Variants in AGBL1 observed in about 807,000 individuals in gnomAD.
The protein encoded by AGBL1 is cytosolic carboxypeptidase 4.
In AGBL1, 130 loss-of-function variants were observed where a neutral mutation model predicts 118.9. The ratio of observed to expected loss-of-function variants is 1.09; its 90% CI spans 0.95 to 1.26. The LOEUF is 1.26. Ranked by LOEUF, AGBL1 falls within the 50% of genes most tolerant of loss-of-function variation. The pLI is 0.00. For synonymous variants in AGBL1, 555 were observed against 478.9 expected (o/e 1.16, Z -2.08); for missense variants, 1,584 against 1,298.1 (o/e 1.22, Z -3.38).
At chr15:86,871,020 G>A (rs768149232) in intron 22 of AGBL1, among the ~76,000 whole-genome samples, 12 of 152,160 alleles carry the variant, frequency 7.9e-5, no homozygotes, top group Non-Finnish European at 1.8e-4. Flanking sequence ...ACTCTTATCT[G>A]TCGCTCACTA....
intron 21 of AGBL1, among the ~76,000 whole-genome samples, chr15:86,574,315 T>C (rs1809166667): frequency 6.6e-6 from 1 of 152,162 alleles, no homozygotes. Context: ...CTGCAGCCAC[T>C]CATCCAAGTC....
chr15:86,424,487 TTG>T, intron 18 of AGBL1, among the ~76,000 whole-genome samples: 1 of 152,170 alleles, frequency 6.6e-6, no homozygotes, highest in East Asian at 1.9e-4. Context: ...GGCAAAGACT[TTG>T]TGACTAAAAC....
intron 21 of AGBL1, among the ~76,000 whole-genome samples, chr15:86,582,820 A>G (rs1221851155): frequency 7.1e-6 from 1 of 141,250 alleles, no homozygotes; most frequent in African/African-American, 2.6e-5. Context: ...ATGAGAACAC[A>G]TGGACACAGG....
At chr15:86,398,903 C>T (rs924933844) in intron 18 of AGBL1, among the ~76,000 whole-genome samples, 6 of 152,260 alleles carry the variant, frequency 3.9e-5, no homozygotes, top group African/African-American at 1.2e-4. Context: ...TTTCAGTACA[C>T]ACACACACAT....
chr15:86,748,510 C>CTTTTTTTTTTTTTTTTTTTTTTGTT (rs2077793308), intron 22 of AGBL1, among the ~76,000 whole-genome samples: 1 of 9,754 alleles, frequency 1.0e-4, no homozygotes, highest in Non-Finnish European at 2.7e-4. Flanking sequence ...TCAATTTTGG[C>CTTTTTTTTTTTTTTTTTTTTTTGTT]TTTTTTTTTT....
At chr15:86,427,627 TA>T (rs938792813) in intron 18 of AGBL1, among the ~76,000 whole-genome samples, 1 of 152,168 alleles carries the variant, frequency 6.6e-6, no homozygotes, top group African/African-American at 2.4e-5. Context: ...CTATTTATAG[TA>T]GTTTTCATGA....
chr15:86,117,959 C>T (rs530049620), intron 1 of AGBL1, among the ~76,000 whole-genome samples: 1 of 152,342 alleles, frequency 6.6e-6, no homozygotes, highest in Non-Finnish European at 1.5e-5. Flanking sequence ...TCAAGACTTG[C>T]TCTGCGGATC....
At chr15:86,889,680 G>A (rs2080023289) in intron 22 of AGBL1, among the ~76,000 whole-genome samples, 1 of 152,072 alleles carries the variant, frequency 6.6e-6, no homozygotes, top group African/African-American at 2.4e-5. Context: ...GTTTGCTGAG[G>A]ATAACGACTT....
At chr15:86,278,591 G>C (rs1056964596) in intron 15 of AGBL1, among the ~76,000 whole-genome samples, 3 of 152,142 alleles carry the variant, frequency 2.0e-5, no homozygotes. Context: ...TATTTTTCAA[G>C]AACACACAAG....
intron 17 of AGBL1, among the ~76,000 whole-genome samples, chr15:86,332,008 A>G (rs1335495734): frequency 2.6e-5 from 4 of 152,200 alleles, no homozygotes; most frequent in Non-Finnish European, 5.9e-5. Flanking sequence ...AGACCCATCC[A>G]TCTGCTGTTT....
chr15:86,834,611 G>A (rs561988266), intron 22 of AGBL1, among the ~76,000 whole-genome samples: 37 of 152,250 alleles, frequency 2.4e-4, no homozygotes, highest in South Asian at 8.3e-4. Flanking sequence ...ACTGTATCAG[G>A]CACCTCCTTA....
intron 3 of AGBL1, among the ~76,000 whole-genome samples, chr15:86,147,914 G>A (rs1327161021): frequency 6.6e-6 from 1 of 152,188 alleles, no homozygotes; most frequent in Non-Finnish European, 1.5e-5. Context: ...TCCAGAGGAA[G>A]GATCAGGCAG....
chr15:86,912,307 G>C lies in AGBL1; in HGVS notation c.*5013G>C, dbSNP rs1375735271. ...CTTACCTGTGTTGTGCAAATGCTTAGAGTGGTGATAATGGAGGGGTGGCAT... is the reference window on the plus strand; with the variant it reads ...CTTACCTGTGTTGTGCAAATGCTTACAGTGGTGATAATGGAGGGGTGGCAT... On this transcript the variant is annotated 3_prime_UTR_variant, in exon 23 of 23. Transcript: ENST00000614907. 6.6e-6 allele frequency: 1 copy of C among 152,170 alleles called. No individual in the cohort carries two copies. Among genetic ancestry groups the C allele is most frequent in the East Asian group, 1.9e-4 (1 of 5,172 alleles). The allele number at this position is 152,170 out of a possible 1,614,324, so 9.4% of individuals were successfully genotyped here. A position where few individuals can be genotyped will look rare whatever the true frequency, so the allele number is the denominator to read the frequency against.
intron 17 of AGBL1, among the ~76,000 whole-genome samples, chr15:86,340,114 G>A (rs1224582978): frequency 2.0e-5 from 3 of 152,044 alleles, no homozygotes; most frequent in Non-Finnish European, 4.4e-5. Flanking sequence ...TCTTCTCAGT[G>A]TTAGCTTCTA....
downstream of AGBL1, among the ~76,000 whole-genome samples, chr15:86,918,679 C>T (rs1241574366): frequency 6.6e-6 from 1 of 152,128 alleles, no homozygotes; most frequent in Non-Finnish European, 1.5e-5. Flanking sequence ...GACAAAAATG[C>T]TGTGTGACCT....
intron 5 of AGBL1, among the ~76,000 whole-genome samples, chr15:86,168,286 C>G (rs140283280): frequency 3.0e-4 from 45 of 152,216 alleles, no homozygotes; most frequent in African/African-American, 9.6e-4. Flanking sequence ...GAGGAACTCA[C>G]TGAGAGGGCA....
chr15:86,522,900 C>A lies in AGBL1; in HGVS notation c.2646C>A (p.Gly882=), dbSNP rs2083208584. 3 of 1,613,872 alleles carry A rather than the reference C, an allele frequency of 1.9e-6. No homozygotes were observed. The highest frequency in any genetic ancestry group is 1.7e-6 in the Non-Finnish European group (2 of 1,179,870). ...HLQPTIYHAK[G]LLYHLSSIGR... is the part of the protein sequence containing the mutation. Reference sequence around the variant, plus strand: ...AGCCAACCATTTACCATGCCAAAGGCCTCCTCTACCACCTGAGCAGCATTG... The same window carrying A: ...AGCCAACCATTTACCATGCCAAAGGACTCCTCTACCACCTGAGCAGCATTG... The change falls in exon 19 of 23, where the codon GGC becomes GGA. Residue 882 remains glycine (G), a synonymous_variant. Coordinates refer to ENST00000614907, the MANE Select transcript of AGBL1 (RefSeq NM_001386094.1).
intron 6 of AGBL1, among the ~76,000 whole-genome samples, chr15:86,240,120 G>T (rs532650210): frequency 3.9e-5 from 6 of 152,168 alleles, no homozygotes; most frequent in Non-Finnish European, 8.8e-5. Flanking sequence ...TAAATAAGTT[G>T]TTTAACTTCT....
intron 17 of AGBL1, among the ~76,000 whole-genome samples, chr15:86,335,313 T>C (rs865892146): frequency 9.9e-5 from 15 of 152,172 alleles, no homozygotes; most frequent in South Asian, 2.1e-4. Context: ...TAATTTTTTG[T>C]ATTTTTAGTA....
Sources: gnomAD v4.1 joint callset for allele counts (sites outside exome capture counted in the v4.1 genomes callset) on GRCh38, gnomAD v4.1.1 for gene constraint, MANE v1.5 for transcripts, NCBI Gene and HGNC (gene_info 2026-07-23, HGNC 2026-07-21) for gene names.